Variants in PIDD1 observed in about 807,000 individuals in gnomAD.
The protein encoded by PIDD1 is p53-induced death domain protein 1.
In PIDD1, 72 loss-of-function variants were observed where a neutral mutation model predicts 80.0. The observed-to-expected ratio is 0.90, with a 90% confidence interval of 0.74 to 1.09. The LOEUF is 1.09. PIDD1 is among the 50% of genes least tolerant of loss of function. The pLI, the probability that PIDD1 is intolerant of heterozygous loss-of-function variation, is 0.00. For missense variants in PIDD1, 1,329 were observed against 1,228.3 expected (o/e 1.08, Z -1.23); for synonymous variants, 655 against 543.5 (o/e 1.21, Z -2.85).
In PIDD1 at chr11:803,375, G is replaced by A. The variant is rs1362305502; in HGVS notation, c.508C>T (p.Leu170Phe). ...ACTGTGAGGAAGGTGAGGGCGGGGAGGGCCCCCAGAGCCTCAGGCAGCTCA... is the reference window on the plus strand; with the variant it reads ...ACTGTGAGGAAGGTGAGGGCGGGGAAGGCCCCCAGAGCCTCAGGCAGCTCA... ...LSELPEALGA[L>F]PALTFLTVTH... The change falls in exon 3 of 16, where the codon CTC (leucine) becomes TTC (phenylalanine). Residue 170 changes from leucine (L) to phenylalanine (F), a missense_variant. Transcript: ENST00000347755. 3 of 1,613,876 alleles carry A rather than the reference G, an allele frequency of 1.9e-6. No individual in the cohort carries two copies. Among genetic ancestry groups the A allele is most frequent in the Non-Finnish European group, 2.5e-6 (3 of 1,180,004 alleles).
chr11:800,249 AG>A lies in PIDD1; in HGVS notation c.2161-6del. On this transcript the variant is annotated splice_region_variant and splice_polypyrimidine_tract_variant and intron_variant, in intron 13 of 15. Coordinates refer to ENST00000347755, the MANE Select transcript of PIDD1 (RefSeq NM_145886.4). ...CGCGCCACGGTAGAAGGACACCTGA[AG>A]GGGCATCGAATGGGGTTCGGAGTTC... 6.2e-7 allele frequency: 1 copy of A among 1,611,124 alleles called. No individual in the cohort carries two copies. The highest frequency in any genetic ancestry group is 8.5e-7 in the Non-Finnish European group (1 of 1,179,218).
chr11:803,890 C>T, intron 2 of PIDD1: 1 of 665,702 alleles, frequency 1.5e-6, no homozygotes, highest in Non-Finnish European at 2.5e-6. Flanking sequence ...GGAGCCAGGG[C>T]CCAGCCAGCC....
rs1400109112 is a variant in PIDD1 at position 800,923 on chromosome 11, T to TG, written c.1767-12dup. The TG allele has an allele frequency of 1.3e-6, 2 of 1,586,602 alleles. No homozygotes were observed. The highest frequency in any genetic ancestry group is 3.5e-5 in the Admixed American group (2 of 56,466). ...TACCAGAGCCAGTACCTGGGAGAGC[T>TG]GGGGGTGAGGAGGGCTGTACAGACT... On this transcript the variant is annotated splice_polypyrimidine_tract_variant and intron_variant, in intron 10 of 15. Coordinates refer to ENST00000347755, the MANE Select transcript of PIDD1 (RefSeq NM_145886.4).
upstream of PIDD1, among the ~76,000 whole-genome samples, chr11:808,686 G>T (rs1865905050): frequency 6.6e-6 from 1 of 152,144 alleles, no homozygotes. Context: ...ACAGAATGGG[G>T]CCCAGTCTCA....
upstream of PIDD1, chr11:809,445 T>A (rs939272499): frequency 6.6e-6 from 1 of 152,164 alleles, no homozygotes. Flanking sequence ...GGACCACCGG[T>A]CGCCGCGGCC....
At position 800,360 on chromosome 11, in the gene PIDD1, GTCCA is replaced by G; in HGVS notation, c.2129_2132del (p.Leu710ProfsTer67). The G allele has an allele frequency of 1.9e-6, 3 of 1,612,932 alleles. No individual in the cohort carries two copies. The highest frequency in any genetic ancestry group is 1.7e-6 in the Non-Finnish European group (2 of 1,179,992). Reference sequence around the variant, plus strand: ...GGCCCCGCACAGCCTGAGCCTCCCGGTCCAGAGTGGTGGTCACGTATACCTCCTT... The same window carrying G: ...GGCCCCGCACAGCCTGAGCCTCCCGGGAGTGGTGGTCACGTATACCTCCTT... On this transcript the variant is annotated frameshift_variant, in exon 13 of 16. Coordinates refer to ENST00000347755, the MANE Select transcript of PIDD1 (RefSeq NM_145886.4). LOFTEE classifies it high-confidence loss of function.
upstream of PIDD1, among the ~76,000 whole-genome samples, chr11:807,810 C>T (rs1276784706): frequency 6.6e-6 from 1 of 152,152 alleles, no homozygotes; most frequent in African/African-American, 2.4e-5. Flanking sequence ...CCACTTATAA[C>T]TGCTGCTCCT....
intron 3 of PIDD1, 57 bp from the exon 4 acceptor site, chr11:802,948 C>A: frequency 2.8e-6 from 4 of 1,404,368 alleles, no homozygotes; most frequent in Non-Finnish European, 3.9e-6. Context: ...CGCTGGGACA[C>A]TCCTGCTGCC....
In PIDD1 at chr11:800,971, TG is replaced by T; in HGVS notation, c.1766+13del. The stretch of plus-strand genomic sequence containing the variant: ...ACTGGGGGAGGGGGGCTGAGAAAGC[TG>T]GGGGGCACTGACCAGGAGAAGTGTG... On this transcript the variant is annotated intron_variant, in intron 10 of 15. Coordinates refer to ENST00000347755, the MANE Select transcript of PIDD1 (RefSeq NM_145886.4). The T allele has an allele frequency of 3.9e-6, 6 of 1,538,960 alleles. No homozygotes were observed. The highest frequency in any genetic ancestry group is 4.5e-6 in the Non-Finnish European group (5 of 1,120,358).
rs775244407 is a variant in PIDD1 at position 800,547 on chromosome 11, A to C, written c.2037T>G (p.Asp679Glu). 6 of 1,609,536 alleles carry C rather than the reference A, an allele frequency of 3.7e-6. No individual in the cohort carries two copies. The East Asian group carries it at 1.3e-4, about 36-fold the overall frequency. The change falls in exon 12 of 16, where the codon GAT (aspartate) becomes GAG (glutamate). Residue 679 changes from aspartate to glutamate, a missense_variant. Physicochemically the swap from Asp to Glu is conservative, Grantham distance 45. Transcript: ENST00000347755. ...FAAFERGIDV[D>E]ADRPDCVEGR... ...AGCATCCACCAGCATCCCTACCAGCATCCACGTCGATGCCGCGCTCGAAGG... is the reference window on the plus strand; with the variant it reads ...AGCATCCACCAGCATCCCTACCAGCCTCCACGTCGATGCCGCGCTCGAAGG...
Position 802,812 on chromosome 11 carries a change from TG to T in PIDD1, c.788del (p.Pro263HisfsTer8). On this transcript the variant is annotated frameshift_variant, in exon 4 of 16. Transcript: ENST00000347755. LOFTEE classifies it high-confidence loss of function. ...CCCTCAGGTCGAGCCGGGTGAGGAG[TG>T]GAAGGCGGGCCAAGTCAGCTGGCAC... is the stretch of plus-strand genomic sequence containing the variant. ...ASVPADLARL[P>X]LLTRLDLRDN... 6.2e-7 allele frequency: 1 copy of T among 1,601,406 alleles called. No homozygotes were observed.
At chr11:805,525 G>C (rs912454880), upstream of PIDD1, 2 of 801,708 alleles carry the variant, frequency 2.5e-6, no homozygotes, top group Non-Finnish European at 3.0e-6. Context: ...CGAGGTTCTC[G>C]GGGCCCCGGG....
rs752315464 is a variant in PIDD1, at chr11:800,985, CAGG to C, written c.1763_1765del (p.Ser588del). 1.6e-5 allele frequency: 26 copies of C among 1,603,922 alleles called. No individual in the cohort carries two copies. Among genetic ancestry groups the C allele is most frequent in the Non-Finnish European group, 2.0e-5 (23 of 1,176,038 alleles). ...GCTGAGAAAGCTGGGGGGCACTGAC[CAGG>C]AGAAGTGTGTGACCTGGAAGCGTGC... On this transcript the variant is annotated inframe_deletion and splice_region_variant, in exon 10 of 16. Coordinates refer to ENST00000347755, the MANE Select transcript of PIDD1 (RefSeq NM_145886.4).
At position 803,456 on chromosome 11, in the gene PIDD1, A is replaced by G. The variant is rs1385296781; in HGVS notation, c.427T>C (p.Cys143Arg). Residue 143 changes from cysteine (C) to arginine (R), a missense_variant, in exon 3 of 16, where the codon TGT becomes CGT. By Grantham distance (180) the Cys-to-Arg change is radical. Coordinates refer to ENST00000347755, the MANE Select transcript of PIDD1 (RefSeq NM_145886.4). ...CCCAGACCTCGCATCTGCAGGACAC[A>G]GGCCGGCAGTGTCTCCAGGCTGTTG... Reference protein sequence around the residue: ...SFNSLETLPACVLQMRGLGAL... With the variant: ...SFNSLETLPARVLQMRGLGAL... The G allele has an allele frequency of 1.2e-6, 2 of 1,613,732 alleles. No homozygotes were observed. Among genetic ancestry groups the G allele is most frequent in the Non-Finnish European group, 1.7e-6 (2 of 1,180,006 alleles).
chr11:805,292 GC>G, upstream of PIDD1: 1 of 893,418 alleles, frequency 1.1e-6, no homozygotes, highest in Non-Finnish European at 1.3e-6. Flanking sequence ...CTTGGGCCCC[GC>G]CCCCTCGGGA....
intron 1 of PIDD1, 130 bp from the exon 2 acceptor site, chr11:804,593 C>T: frequency 1.1e-6 from 1 of 932,416 alleles, no homozygotes; most frequent in Non-Finnish European, 1.5e-6. Context: ...GTGGGGGAGA[C>T]CTTGTGGTCA....
upstream of PIDD1, among the ~76,000 whole-genome samples, chr11:807,755 C>A (rs1176444247): frequency 1.3e-5 from 2 of 151,978 alleles, no homozygotes; most frequent in East Asian, 3.9e-4. Flanking sequence ...CCAGCCTGGG[C>A]GGCAGAGCAA....
At chr11:808,246 G>A (rs188473823), upstream of PIDD1, among the ~76,000 whole-genome samples, 18 of 151,668 alleles carry the variant, frequency 1.2e-4, no homozygotes, top group East Asian at 3.3e-3. Flanking sequence ...GGCCAACATG[G>A]TGAAACCCCG....
Position 800,245 on chromosome 11 carries a change from C to CGCGCCACGG in PIDD1, c.2161-2_2161-1insCCGTGGCGC. 6.2e-7 allele frequency: 1 copy of CGCGCCACGG among 1,611,002 alleles called. No individual in the cohort carries two copies. Among genetic ancestry groups the CGCGCCACGG allele is most frequent in the Non-Finnish European group, 8.5e-7 (1 of 1,179,186 alleles). On this transcript the variant is annotated splice_acceptor_variant, in intron 13 of 15. Transcript: ENST00000347755. LOFTEE classifies it high-confidence loss of function. ...GCACCGCGCCACGGTAGAAGGACAC[C>CGCGCCACGG]TGAAGGGGCATCGAATGGGGTTCGG... is the stretch of plus-strand genomic sequence containing the variant.
Sources: gnomAD v4.1 joint callset for allele counts (sites outside exome capture counted in the v4.1 genomes callset) on GRCh38, gnomAD v4.1.1 for gene constraint, MANE v1.5 for transcripts, NCBI Gene and HGNC (gene_info 2026-07-23, HGNC 2026-07-21) for gene names.